The following IGSF9 variants were observed in gnomAD, a reference collection of about 807,000 sequenced individuals.
IGSF9 encodes the protein protein turtle homolog A.
IGSF9 carries 87 observed loss-of-function variants against 121.7 expected under a neutral mutation model. The observed-to-expected ratio is 0.71, with a 90% CI of 0.60 to 0.85. The LOEUF (loss-of-function observed/expected upper bound fraction) is 0.85, where lower values mean the gene tolerates loss of function less well. Among genes scored for constraint, IGSF9 ranks in the 40% least tolerant of loss-of-function variants. The pLI, the probability that IGSF9 is intolerant of heterozygous loss-of-function variation, is 0.00. For missense variants in IGSF9, 1,462 were observed against 1,565.3 expected (o/e 0.93, Z 1.11); for synonymous variants, 640 against 648.4 (o/e 0.99, Z 0.20).
Position 159,929,942 on chromosome 1 carries a change from C to T in IGSF9, c.2098G>A (p.Ala700Thr), listed in dbSNP as rs761998659. 1.9e-6 allele frequency: 3 copies of T among 1,582,110 alleles called. No individual in the cohort carries two copies. Among genetic ancestry groups the T allele is most frequent in the South Asian group, 1.1e-5 (1 of 87,748 alleles). ...VLYEFRLVAFAGSFVSDPSNT... is the reference protein window; with the variant it reads ...VLYEFRLVAFTGSFVSDPSNT... ...CTGGGGTCGCTGACGAAGCTGCCCG[C>T]GAAGGCCACGAGGCGGAACTCGTAG... is the stretch of plus-strand genomic sequence containing the variant. The change falls in exon 16 of 21, where the codon GCG becomes ACG. Residue 700 changes from alanine to threonine, a missense_variant. Coordinates refer to ENST00000368094, the MANE Select transcript of IGSF9 (RefSeq NM_001135050.2).
In IGSF9 at chr1:159,943,505, G is replaced by A. The variant is rs764329826; in HGVS notation, c.-51C>T. The A allele has an allele frequency of 4.7e-6, 7 of 1,484,236 alleles. No homozygotes were observed. The Admixed American group carries it at 1.7e-4, about 37-fold the overall frequency. 91.9% of individuals were successfully genotyped at this position (1,484,236 alleles called of 1,614,324 possible). A position where few individuals can be genotyped will look rare whatever the true frequency, so the allele number is the denominator to read the frequency against. ...CCCTCCTATCCACAGGAGCCCAGAT[G>A]GAGGGGCCAAGGGATGTCCTTCTGA... is the stretch of plus-strand genomic sequence containing the variant. On this transcript the variant is annotated 5_prime_UTR_variant, in exon 2 of 21. Coordinates refer to ENST00000368094, the MANE Select transcript of IGSF9 (RefSeq NM_001135050.2).
intron 3 of IGSF9, 124 bp from the exon 4 acceptor site, chr1:159,937,962 G>A (rs1028857478): frequency 1.9e-6 from 2 of 1,070,588 alleles, no homozygotes; most frequent in African/African-American, 3.2e-5. Flanking sequence ...TCTGAGTGTG[G>A]GGTCCAGAGA....
chr1:159,930,750 T>C lies in IGSF9; in HGVS notation c.1755A>G (p.Leu585=), dbSNP rs764367833. Residue 585 remains leucine (L), a synonymous_variant, in exon 14 of 21, where the codon CTA becomes CTG. Coordinates refer to ENST00000368094, the MANE Select transcript of IGSF9 (RefSeq NM_001135050.2). ...GACCACTCCCCAGCTTGTTCTGAGCTAGCACGCTGAACTGGTACTGGGTGT... is the reference window on the plus strand; with the variant it reads ...GACCACTCCCCAGCTTGTTCTGAGCCAGCACGCTGAACTGGTACTGGGTGT... ...QPHTQYQFSV[L]AQNKLGSGPF... 1 of 1,614,156 alleles carries C rather than the reference T, an allele frequency of 6.2e-7. No individual in the cohort carries two copies. The highest frequency in any genetic ancestry group is 1.1e-5 in the South Asian group (1 of 91,082).
intron 2 of IGSF9, 29 bp from the exon 3 acceptor site, chr1:159,943,180 C>T (rs1349740252): frequency 2.5e-5 from 39 of 1,568,398 alleles, no homozygotes; most frequent in African/African-American, 2.8e-5. Flanking sequence ...GAGGGCACAA[C>T]GGGGGGCTAG....
intron 17 of IGSF9, 44 bp from the exon 18 acceptor site, chr1:159,929,437 G>A (rs530649715): frequency 2.5e-6 from 4 of 1,605,132 alleles, no homozygotes; most frequent in African/African-American, 2.7e-5. Context: ...CAAAAATCAA[G>A]GCCCTCTAGG....
At position 159,927,537 on chromosome 1, in the gene IGSF9, C is replaced by A; in HGVS notation, c.3359-11G>T. 6.2e-7 allele frequency: 1 copy of A among 1,606,980 alleles called. No homozygotes were observed. The highest frequency in any genetic ancestry group is 8.5e-7 in the Non-Finnish European group (1 of 1,174,984). ...CTGGAGTCTTCACACCTGCAAGAGGCGGGCAGGACAATGAGAAGAAGCCCT... is the reference window on the plus strand; with the variant it reads ...CTGGAGTCTTCACACCTGCAAGAGGAGGGCAGGACAATGAGAAGAAGCCCT... On this transcript the variant is annotated splice_polypyrimidine_tract_variant and intron_variant, in intron 20 of 20. Coordinates refer to ENST00000368094, the MANE Select transcript of IGSF9 (RefSeq NM_001135050.2).
chr1:159,929,071 G>A, intron 18 of IGSF9, 53 bp from the exon 19 acceptor site: 2 of 1,494,148 alleles, frequency 1.3e-6, no homozygotes, highest in South Asian at 2.8e-5. Flanking sequence ...CCCCCTCCCA[G>A]GAGCCAGCGT....
intron 6 of IGSF9, 67 bp downstream of exon 6, chr1:159,936,332 T>C: frequency 1.4e-6 from 2 of 1,391,694 alleles, no homozygotes; most frequent in East Asian, 4.6e-5. Flanking sequence ...TGTGAACCAA[T>C]TCAGCCACAG....
intron 9 of IGSF9, chr1:159,933,681 C>G (rs1429759031): frequency 1.2e-5 from 2 of 166,506 alleles, no homozygotes; most frequent in Non-Finnish European, 2.6e-5. Flanking sequence ...AGGCCCATCA[C>G]CAAAGTCCCA....
chr1:159,936,709 C>T (rs1298708150), intron 5 of IGSF9, 45 bp downstream of exon 5: 2 of 1,603,062 alleles, frequency 1.2e-6, no homozygotes, highest in South Asian at 1.1e-5. Flanking sequence ...CCCCACCTTC[C>T]CTTCACACTC....
intron 3 of IGSF9, among the ~76,000 whole-genome samples, chr1:159,942,104 ACT>A (rs376890119): frequency 1.3e-3 from 202 of 151,570 alleles, no homozygotes; most frequent in African/African-American, 4.7e-3. Flanking sequence ...AGGCAACAAG[ACT>A]CTCTCTCGCC....
chr1:159,932,925 C>T lies in IGSF9; in HGVS notation c.1105-273G>A, dbSNP rs1326376828. ...TGAATGGCCACCCCTGTAGTTGGGC[C>T]GCGTGGGGCTTCCTGCCTGCTGGGA... is the stretch of plus-strand genomic sequence containing the variant. On this transcript the variant is annotated intron_variant, in intron 9 of 20. Transcript: ENST00000368094. The surrounding 1 kb of genome is among the most constrained non-coding windows in gnomAD (Gnocchi z 4.1). The T allele has an allele frequency of 9.0e-6, 3 of 334,632 alleles. No homozygotes were observed. Among genetic ancestry groups the T allele is most frequent in the Non-Finnish European group, 1.6e-5 (3 of 183,934 alleles). 20.7% of individuals were successfully genotyped at this position (334,632 alleles called of 1,614,324 possible).
At chr1:159,941,466 A>T (rs1391873478) in intron 3 of IGSF9, among the ~76,000 whole-genome samples, 4 of 152,228 alleles carry the variant, frequency 2.6e-5, no homozygotes, top group African/African-American at 9.6e-5. Context: ...TGAACAAAGG[A>T]TAGGAGCAGA....
At chr1:159,927,675 G>A (rs1650790251) in intron 20 of IGSF9, 85 bp downstream of exon 20, 1 of 1,559,288 alleles carries the variant, frequency 6.4e-7, no homozygotes. Context: ...GGCAGGGCCT[G>A]ACTGGGAATA....
Position 159,928,291 on chromosome 1 carries a change from A to G in IGSF9, c.3097T>C (p.Phe1033Leu), listed in dbSNP as rs1297863683. The G allele has an allele frequency of 3.7e-6, 6 of 1,612,244 alleles. No homozygotes were observed. The highest frequency in any genetic ancestry group is 5.1e-6 in the Non-Finnish European group (6 of 1,179,582). The change falls in exon 19 of 21, where the codon TTC becomes CTC. Residue 1033 changes from phenylalanine to leucine, a missense_variant. This residue lies in a region of IGSF9 where 808 missense variants were observed against 815.2 expected (regional missense o/e 0.99). Coordinates refer to ENST00000368094, the MANE Select transcript of IGSF9 (RefSeq NM_001135050.2). ...GGGGCTGTGGAGGGGGGCCGCAGGA[A>G]CGAAGCGCTGCCTCGCCCACTGCTC... ...SQSSGRGSASFLRPPSTAPSA... is the reference protein window; with the variant it reads ...SQSSGRGSASLLRPPSTAPSA...
chr1:159,942,897 G>T, intron 3 of IGSF9, 66 bp downstream of exon 3: 2 of 1,395,746 alleles, frequency 1.4e-6, no homozygotes, highest in Non-Finnish European at 2.0e-6. Flanking sequence ...GAGGCCTTGT[G>T]CGACTCTACC....
chr1:159,944,349 C>T (rs74465663), intron 1 of IGSF9, among the ~76,000 whole-genome samples: 1,843 of 152,268 alleles, frequency 0.012, 32 homozygotes, highest in African/African-American at 0.042. Flanking sequence ...CTGCCTCCCC[C>T]ACCTGCCAGT....
intron 20 of IGSF9, 79 bp downstream of exon 20, chr1:159,927,681 G>A (rs1041518113): frequency 1.3e-6 from 2 of 1,566,182 alleles, no homozygotes; most frequent in African/African-American, 1.4e-5. Context: ...GCCTGACTGG[G>A]AATAGATGGG....
chr1:159,940,063 G>T (rs1269054618), intron 3 of IGSF9, among the ~76,000 whole-genome samples: 2 of 152,184 alleles, frequency 1.3e-5, no homozygotes, highest in Admixed American at 6.5e-5. Context: ...CTAATATTAG[G>T]CGTTGTCACC....
Sources: gnomAD v4.1 joint callset for allele counts (sites outside exome capture counted in the v4.1 genomes callset) on GRCh38, gnomAD v4.1.1 for gene constraint, gnomAD v4.1.1 regional missense constraint, Gnocchi (gnomAD v3.1) non-coding constraint, MANE v1.5 for transcripts, NCBI Gene and HGNC (gene_info 2026-07-23, HGNC 2026-07-21) for gene names.